The following ADAMTSL1 variants were observed in gnomAD, a reference collection of about 807,000 sequenced individuals.
ADAMTSL1 encodes the protein ADAMTS-like protein 1.
In ADAMTSL1, 126 loss-of-function variants were observed where a neutral mutation model predicts 201.8. The ratio of observed to expected loss-of-function variants is 0.62; its 90% confidence interval spans 0.54 to 0.72. The LOEUF (loss-of-function observed/expected upper bound fraction) is 0.72. Ranked by LOEUF, ADAMTSL1 falls within the 30% of genes least tolerant of loss-of-function variation. The pLI, the probability that ADAMTSL1 is intolerant of heterozygous loss-of-function variation, is 0.00. For missense variants in ADAMTSL1, 2,679 were observed against 2,277.8 expected, an observed-to-expected ratio of 1.18 and a Z score of -3.59; for synonymous variants, 1,121 against 903.4, an observed-to-expected ratio of 1.24 and a Z score of -4.32.
chr9:18,752,862 T>C (rs2507122), intron 15 of ADAMTSL1, among the ~76,000 whole-genome samples: 31,489 of 152,122 alleles, frequency 0.21, 3,584 homozygotes, highest in Middle Eastern at 0.31. Context: ...GCCAAAGAAT[T>C]ACAAGCATAA....
intron 2 of ADAMTSL1, among the ~76,000 whole-genome samples, chr9:18,406,478 G>T (rs770864170): frequency 6.6e-6 from 1 of 151,822 alleles, no homozygotes; most frequent in Non-Finnish European, 1.5e-5. Flanking sequence ...ACAGGCACAC[G>T]TCACATTGCC....
intron 23 of ADAMTSL1, among the ~76,000 whole-genome samples, chr9:18,857,914 C>G (rs1431074250): frequency 6.6e-6 from 1 of 152,164 alleles, no homozygotes; most frequent in African/African-American, 2.4e-5. Flanking sequence ...TCATTACTTT[C>G]TGGCACAAGA....
intron 13 of ADAMTSL1, among the ~76,000 whole-genome samples, chr9:18,689,485 T>C (rs1375264131): frequency 1.3e-5 from 2 of 151,558 alleles, no homozygotes; most frequent in Non-Finnish European, 2.9e-5. Flanking sequence ...CCTAATGCCC[T>C]AGAAGGTGTA....
chr9:18,648,641 T>C (rs1178924291), intron 7 of ADAMTSL1, among the ~76,000 whole-genome samples: 1 of 151,804 alleles, frequency 6.6e-6, no homozygotes, highest in Non-Finnish European at 1.5e-5. Flanking sequence ...TCTCCTTCAC[T>C]GATGAAGCTT....
intron 2 of ADAMTSL1, among the ~76,000 whole-genome samples, chr9:18,517,425 T>A (rs1260485308): frequency 3.3e-5 from 5 of 152,156 alleles, no homozygotes; most frequent in Non-Finnish European, 7.4e-5. Context: ...TAATTTATTT[T>A]TTTTTATTAT....
At chr9:18,718,261 A>G in intron 14 of ADAMTSL1, 1 of 758,912 alleles carries the variant, frequency 1.3e-6, no homozygotes, top group Non-Finnish European at 2.5e-6. Flanking sequence ...AAATCATTAA[A>G]TGTGGACTGT....
chr9:18,159,499 G>T (rs182008804), intron 1 of ADAMTSL1, among the ~76,000 whole-genome samples: 1 of 152,124 alleles, frequency 6.6e-6, no homozygotes, highest in African/African-American at 2.4e-5. Flanking sequence ...TTATAGCTAC[G>T]TGGAATTTCT....
intron 1 of ADAMTSL1, among the ~76,000 whole-genome samples, chr9:18,484,770 G>A (rs551858107): frequency 6.6e-6 from 1 of 152,176 alleles, no homozygotes; most frequent in Non-Finnish European, 1.5e-5. Flanking sequence ...TAAGAAACTC[G>A]ATCAGTGGGT....
intron 2 of ADAMTSL1, among the ~76,000 whole-genome samples, chr9:18,302,177 G>C (rs1033557926): frequency 7.2e-5 from 11 of 152,114 alleles, no homozygotes; most frequent in African/African-American, 2.4e-4. Flanking sequence ...TTATGCCAGA[G>C]TGTAGGATAG....
At chr9:18,602,462 G>A (rs1824724502) in intron 4 of ADAMTSL1, among the ~76,000 whole-genome samples, 1 of 152,198 alleles carries the variant, frequency 6.6e-6, no homozygotes, top group Admixed American at 6.5e-5. Flanking sequence ...GTCTTGCACA[G>A]TACCAGCACT....
chr9:18,429,034 G>A (rs1038054772), intron 2 of ADAMTSL1, among the ~76,000 whole-genome samples: 1 of 152,140 alleles, frequency 6.6e-6, no homozygotes, highest in Non-Finnish European at 1.5e-5. Context: ...TTTTAATGGT[G>A]TGTGTCTGAA....
intron 1 of ADAMTSL1, among the ~76,000 whole-genome samples, chr9:18,007,652 G>C (rs1276855031): frequency 6.6e-6 from 1 of 151,940 alleles, no homozygotes; most frequent in Non-Finnish European, 1.5e-5. Context: ...TGGAGCTCTG[G>C]TAATGGGGAT....
At chr9:18,733,392 G>C (rs970997269) in intron 15 of ADAMTSL1, among the ~76,000 whole-genome samples, 2 of 152,118 alleles carry the variant, frequency 1.3e-5, no homozygotes, top group Admixed American at 1.3e-4. Flanking sequence ...CAACACATAG[G>C]AAATGAAGCA....
intron 15 of ADAMTSL1, among the ~76,000 whole-genome samples, chr9:18,733,860 C>G (rs553995384): frequency 3.6e-4 from 55 of 151,976 alleles, no homozygotes; most frequent in African/African-American, 1.2e-3. Context: ...GGGGTACAGT[C>G]TTCTCACTTC....
chr9:18,864,612 GGAAGT>G, intron 23 of ADAMTSL1, among the ~76,000 whole-genome samples: 1 of 152,324 alleles, frequency 6.6e-6, no homozygotes, highest in South Asian at 2.1e-4. Context: ...GAGGGTGCGA[GGAAGT>G]GAAGCCAGAG....
intron 1 of ADAMTSL1, among the ~76,000 whole-genome samples, chr9:18,144,199 CTTT>C (rs1826524599): frequency 6.7e-6 from 1 of 149,304 alleles, no homozygotes; most frequent in Admixed American, 6.7e-5. Context: ...CTTTTTCTTT[CTTT>C]CTTTCTTTCT....
intron 2 of ADAMTSL1, among the ~76,000 whole-genome samples, chr9:18,518,782 C>T (rs991664822): frequency 6.6e-6 from 1 of 152,162 alleles, no homozygotes; most frequent in African/African-American, 2.4e-5. Context: ...AATCTCAGCT[C>T]GCTGCAACCT....
At chr9:18,457,449 A>C (rs1820648872) in intron 2 of ADAMTSL1, among the ~76,000 whole-genome samples, 1 of 152,120 alleles carries the variant, frequency 6.6e-6, no homozygotes, top group Non-Finnish European at 1.5e-5. Context: ...CTCCCACCTC[A>C]GCCTTCTGAG....
At chr9:18,188,805 T>C (rs1020260462) in intron 2 of ADAMTSL1, among the ~76,000 whole-genome samples, 2 of 152,204 alleles carry the variant, frequency 1.3e-5, no homozygotes, top group African/African-American at 4.8e-5. Flanking sequence ...TTTTCCTATG[T>C]ATTTGATGAT....
Sources: gnomAD v4.1 joint callset for allele counts (sites outside exome capture counted in the v4.1 genomes callset) on GRCh38, gnomAD v4.1.1 for gene constraint, MANE v1.5 for transcripts, NCBI Gene and HGNC (gene_info 2026-07-23, HGNC 2026-07-21) for gene names.